Variants in CD109 observed in about 807,000 individuals in gnomAD.
The protein encoded by CD109 is CD109 antigen.
In CD109, 149 loss-of-function variants were observed where a neutral mutation model predicts 165.8. The ratio of observed to expected loss-of-function variants is 0.90; its 90% CI spans 0.79 to 1.03. The LOEUF (loss-of-function observed/expected upper bound fraction) is 1.03, where lower values mean the gene tolerates loss of function less well. Ranked by LOEUF, CD109 falls within the 50% of genes least tolerant of loss-of-function variation. The pLI, the probability that CD109 is intolerant of heterozygous loss-of-function variation, is 0.00. For missense variants in CD109, 1,712 were observed against 1,677.8 expected (o/e 1.02, Z -0.36); for synonymous variants, 585 against 592.1 (o/e 0.99, Z 0.18).
At chr6:73,761,017 ACACACACACACAC>A (rs1773603979) in intron 7 of CD109, among the ~76,000 whole-genome samples, 17 of 1,284 alleles carry the variant, frequency 0.013, no homozygotes, top group African/African-American at 0.023. Context: ...GTGTCTAAAC[ACACACACACACAC>A]ACACACACAC....
chr6:73,781,835 A>ACACACACACACACGCACACACACACAC (rs150665697), intron 17 of CD109, among the ~76,000 whole-genome samples: 1 of 144,328 alleles, frequency 6.9e-6, no homozygotes, highest in Non-Finnish European at 1.5e-5. Flanking sequence ...ACACACACAC[A>ACACACACACACACGCACACACACACAC]CCCCTCATCA....
intron 23 of CD109, among the ~76,000 whole-genome samples, chr6:73,795,816 G>A (rs1453296848): frequency 6.6e-6 from 1 of 152,100 alleles, no homozygotes; most frequent in Non-Finnish European, 1.5e-5. Context: ...TTTTTTACCT[G>A]GAAGACAGGG....
chr6:73,753,948 C>T (rs1773289394), intron 5 of CD109, among the ~76,000 whole-genome samples: 1 of 152,170 alleles, frequency 6.6e-6, no homozygotes, highest in Non-Finnish European at 1.5e-5. Context: ...GCATGCTTTA[C>T]TAGGTTCTGT....
intron 7 of CD109, among the ~76,000 whole-genome samples, chr6:73,760,550 C>T (rs576628054): frequency 1.3e-5 from 2 of 149,292 alleles, no homozygotes. Context: ...ATTTGACTTA[C>T]GAAGCTAAGT....
intron 10 of CD109, 60 bp downstream of exon 10, chr6:73,763,745 G>T: frequency 1.2e-6 from 1 of 821,276 alleles, no homozygotes; most frequent in South Asian, 2.5e-5. Context: ...GAAATAGAAT[G>T]GGAAATAATA....
At chr6:73,788,759 A>T (rs962875356) in intron 22 of CD109, 147 bp downstream of exon 22, 4 of 645,042 alleles carry the variant, frequency 6.2e-6, no homozygotes, top group Non-Finnish European at 1.0e-5. Flanking sequence ...TCATTATAAT[A>T]TGAAGGCTAG....
At chr6:73,735,942 C>T (rs1004200796) in intron 4 of CD109, among the ~76,000 whole-genome samples, 9 of 152,114 alleles carry the variant, frequency 5.9e-5, no homozygotes, top group Admixed American at 2.6e-4. Flanking sequence ...CCACCACCGC[C>T]GCCACCAGGG....
chr6:73,745,484 A>G (rs556502416), intron 5 of CD109, among the ~76,000 whole-genome samples: 20 of 152,194 alleles, frequency 1.3e-4, no homozygotes, highest in Non-Finnish European at 2.9e-5. Flanking sequence ...ATTGGTGGAG[A>G]AGATACCTAC....
intron 5 of CD109, among the ~76,000 whole-genome samples, chr6:73,743,478 A>G (rs1772867585): frequency 6.6e-6 from 1 of 152,004 alleles, no homozygotes; most frequent in East Asian, 1.9e-4. Context: ...GTTTCTCTTG[A>G]GTTACTTGTT....
intron 15 of CD109, among the ~76,000 whole-genome samples, chr6:73,778,497 T>C (rs1774348763): frequency 1.3e-5 from 2 of 152,182 alleles, no homozygotes. Flanking sequence ...AACCACTGTT[T>C]AGATGCTGCT....
chr6:73,773,680 C>T, intron 15 of CD109, among the ~76,000 whole-genome samples: 1 of 152,084 alleles, frequency 6.6e-6, no homozygotes, highest in East Asian at 1.9e-4. Flanking sequence ...CTTTTGGTCT[C>T]TACCTCTGTC....
chr6:73,709,517 GT>G (rs563785720), intron 2 of CD109, among the ~76,000 whole-genome samples: 12 of 152,290 alleles, frequency 7.9e-5, no homozygotes, highest in African/African-American at 2.9e-4. Context: ...CTTTAAAGTA[GT>G]TTTTTCCAGT....
chr6:73,781,439 C>A lies in CD109; in HGVS notation c.1963+120C>A, dbSNP rs1391098620. 7.3e-6 allele frequency: 6 copies of A among 823,032 alleles called. No individual in the cohort carries two copies. In the East Asian group the frequency reaches 1.1e-4, roughly 15 times the overall value. The allele number at this position is 823,032 out of a possible 1,614,324, so 51.0% of individuals were successfully genotyped here. On this transcript the variant is annotated intron_variant, in intron 17 of 32. Coordinates refer to ENST00000287097, the MANE Select transcript of CD109 (RefSeq NM_133493.5). ...ATTGTGATTTTCATTTTTTTGTTCT[C>A]TTCTCCCAAAATGTTTGGAGTTTAA... is the stretch of plus-strand genomic sequence containing the variant.
intron 7 of CD109, among the ~76,000 whole-genome samples, chr6:73,760,225 G>A (rs1773563378): frequency 6.6e-6 from 1 of 151,566 alleles, no homozygotes; most frequent in African/African-American, 2.4e-5. Context: ...GGCTAACACG[G>A]TGAAACCCCG....
upstream of CD109, among the ~76,000 whole-genome samples, chr6:73,693,042 A>G (rs146572703): frequency 2.5e-3 from 381 of 152,296 alleles, no homozygotes; most frequent in African/African-American, 8.7e-3. Flanking sequence ...TTAAACAAAT[A>G]GTTTTTAATT....
rs557742537 is a variant in CD109, at chr6:73,696,299, TGGGCGCGCGGGGGGCGCGC to T, written c.74+22_74+40del. On this transcript the variant is annotated intron_variant, in intron 1 of 32. Transcript: ENST00000287097. ...TGGCCGTGGCTCCCGGGTAGGAACG[TGGGCGCGCGGGGGGCGCGC>T]GGGCGCGCGGGCCTGGGCCGCTCTG... 31,189 of 1,496,154 alleles carry T rather than the reference TGGGCGCGCGGGGGGCGCGC, an allele frequency of 0.021. 749 individuals carry two copies. The highest frequency in any genetic ancestry group is 0.025 in the Middle Eastern group (121 of 4,762). 92.7% of individuals were successfully genotyped at this position (1,496,154 alleles called of 1,614,324 possible).
intron 15 of CD109, among the ~76,000 whole-genome samples, chr6:73,779,876 G>A (rs1470763793): frequency 6.6e-6 from 1 of 151,910 alleles, no homozygotes; most frequent in Non-Finnish European, 1.5e-5. Flanking sequence ...ATTGCTAATG[G>A]GGTACATGCA....
intron 2 of CD109, among the ~76,000 whole-genome samples, chr6:73,700,991 C>T (rs1401007471): frequency 2.7e-5 from 4 of 150,936 alleles, no homozygotes; most frequent in African/African-American, 4.9e-5. Flanking sequence ...TTAGTAGAGA[C>T]GAGGTTTCAC....
chr6:73,779,003 G>A (rs1041480461), intron 15 of CD109, among the ~76,000 whole-genome samples: 1 of 151,996 alleles, frequency 6.6e-6, no homozygotes, highest in Non-Finnish European at 1.5e-5. Flanking sequence ...AATGTTATAT[G>A]ACCATCACCA....
Sources: allele counts gnomAD v4.1 joint callset (sites outside exome capture counted in the v4.1 genomes callset), GRCh38; gene constraint gnomAD v4.1.1; transcripts MANE v1.5; gene names NCBI Gene and HGNC (gene_info 2026-07-23, HGNC 2026-07-21).